Variants in PIGW observed in about 807,000 individuals in gnomAD.
The protein encoded by PIGW is glucosaminyl-phosphatidylinositol-acyltransferase PIGW.
Under a neutral mutation model 34.0 loss-of-function variants are expected in PIGW, and 23 were observed. That is an observed-to-expected ratio of 0.68 (90% CI 0.49 to 0.96). The LOEUF is 0.96. Ranked by LOEUF, PIGW falls within the 40% of genes least tolerant of loss-of-function variation. The pLI is 0.00. For synonymous variants in PIGW, 225 were observed against 225.2 expected (o/e 1.00, Z 0.01); for missense variants, 574 against 586.3 (o/e 0.98, Z 0.22).
rs2142617904 is a variant in PIGW at position 36,537,840 on chromosome 17, T to C, written c.739T>C (p.Leu247=). Reference sequence around the variant, plus strand: ...TTTCTTTACCATAATAGTTGTGAAATTGATAACACCACTGCTGTTGATTAT... The same window carrying C: ...TTTCTTTACCATAATAGTTGTGAAACTGATAACACCACTGCTGTTGATTAT... ...NFFFTIIVVK[L]ITPLLLIIFP... Residue 247 remains leucine, a synonymous_variant, in exon 2 of 2, where the codon TTG becomes CTG. Transcript: ENST00000614443. 1.9e-6 allele frequency: 3 copies of C among 1,614,164 alleles called. No homozygotes were observed. The highest frequency in any genetic ancestry group is 2.2e-5 in the East Asian group (1 of 44,888).
rs1167708049 is a variant in PIGW at position 36,535,072 on chromosome 17, C to T, written c.-529C>T. The T allele has an allele frequency of 1.3e-5, 2 of 152,288 alleles. No individual in the cohort carries two copies. The highest frequency in any genetic ancestry group is 1.9e-4 in the East Asian group (1 of 5,190). The allele number at this position is 152,288 out of a possible 1,614,324, so 9.4% of individuals were successfully genotyped here. A position where few individuals can be genotyped will look rare whatever the true frequency, so the allele number is the denominator to read the frequency against. On this transcript the variant is annotated 5_prime_UTR_variant, in exon 1 of 2. Transcript: ENST00000614443. ...CAACTACGGTGAGATGTTTTGCGAC[C>T]CTGGGGTAAAATGAGGGTAAAGCGG...
At chr17:36,536,524 C>CTTTTTTTT (rs10715370) in intron 1 of PIGW, among the ~76,000 whole-genome samples, 4 of 125,540 alleles carry the variant, frequency 3.2e-5, no homozygotes, top group African/African-American at 5.8e-5. Context: ...TTTTCTTTTC[C>CTTTTTTTT]TTTTTTTTTT....
intron 1 of PIGW, among the ~76,000 whole-genome samples, chr17:36,536,470 A>G (rs1189878936): frequency 1.3e-5 from 2 of 151,450 alleles, no homozygotes; most frequent in Non-Finnish European, 1.5e-5. Context: ...CTATGATGCC[A>G]TTCTCAGAGT....
chr17:36,536,832 G>T (rs1277357356), intron 1 of PIGW, among the ~76,000 whole-genome samples: 1 of 152,118 alleles, frequency 6.6e-6, no homozygotes, highest in African/African-American at 2.4e-5. Flanking sequence ...CACTTTCTTT[G>T]TGAGTCTGTC....
At position 36,537,282 on chromosome 17, in the gene PIGW, T is replaced by G; in HGVS notation, c.181T>G (p.Phe61Val). ...PTWKTRFLTD[F>V]VVLIVPMVAT... is the part of the protein sequence containing the mutation. ...CTGGAAAACTAGATTCCTCACTGAC[T>G]TTGTTGTCCTAATAGTTCCCATGGT... The change falls in exon 2 of 2, where the codon TTT (phenylalanine) becomes GTT (valine). Residue 61 changes from phenylalanine (F) to valine (V), a missense_variant. Transcript: ENST00000614443. 7 of 1,614,108 alleles carry G rather than the reference T, an allele frequency of 4.3e-6. No individual in the cohort carries two copies. The highest frequency in any genetic ancestry group is 5.1e-6 in the Non-Finnish European group (6 of 1,180,020).
chr17:36,538,167 G>A lies in PIGW; in HGVS notation c.1066G>A (p.Val356Ile), dbSNP rs757289253. The A allele has an allele frequency of 1.3e-5, 21 of 1,613,696 alleles. No individual in the cohort carries two copies. The highest frequency in any genetic ancestry group is 1.7e-5 in the Admixed American group (1 of 59,994). Reference protein sequence around the residue: ...AAISLFISLYVVQVNVEAVSR... With the variant: ...AAISLFISLYIVQVNVEAVSR... Reference sequence around the variant, plus strand: ...TATTAGCCTCTTCATATCTCTTTACGTAGTTCAAGTAAATGTAGAAGCAGT... The same window carrying A: ...TATTAGCCTCTTCATATCTCTTTACATAGTTCAAGTAAATGTAGAAGCAGT... The change falls in exon 2 of 2, where the codon GTA (valine) becomes ATA (isoleucine). Residue 356 changes from valine to isoleucine, a missense_variant. Val to Ile is a conservative substitution (Grantham distance 29, BLOSUM62 3). Transcript: ENST00000614443.
rs2074171167 is a variant in PIGW, at chr17:36,538,284, T to C, written c.1183T>C (p.Leu395=). The C allele has an allele frequency of 7.4e-6, 12 of 1,613,424 alleles. No individual in the cohort carries two copies. The highest frequency in any genetic ancestry group is 1.0e-5 in the Non-Finnish European group (12 of 1,179,862). The change falls in exon 2 of 2, where the codon TTG becomes CTG. Residue 395 remains leucine, a synonymous_variant. Coordinates refer to ENST00000614443, the MANE Select transcript of PIGW (RefSeq NM_001346754.2). ...TAGTTTATTACTGGGTGATATAATT[T>C]TGAGTTTTGCCAAATTTCTAATTAA... The part of the protein sequence containing the change: ...LSSLLLGDII[L]SFAKFLIKGA...
In PIGW at chr17:36,535,458, C is replaced by T. The variant is rs572313469; in HGVS notation, c.-143C>T. ...GCGGAATCGGCCGGCCCGGAAGTGC[C>T]AGCTGCCTGCGTCGGCCGGAAGTGC... On this transcript the variant is annotated 5_prime_UTR_variant, in exon 1 of 2. An upstream open reading frame in the 5' UTR gains an earlier in-frame stop. Coordinates refer to ENST00000614443, the MANE Select transcript of PIGW (RefSeq NM_001346754.2). The T allele has an allele frequency of 3.9e-5, 6 of 152,366 alleles. No homozygotes were observed. In the East Asian group the frequency reaches 1.2e-3, roughly 29 times the overall value. The allele number at this position is 152,366 out of a possible 1,614,324, so 9.4% of individuals were successfully genotyped here. A position where few individuals can be genotyped will look rare whatever the true frequency, so the allele number is the denominator to read the frequency against.
intron 1 of PIGW, among the ~76,000 whole-genome samples, chr17:36,536,322 ACCAAGGCC>A (rs1436806732): frequency 6.6e-6 from 1 of 152,116 alleles, no homozygotes; most frequent in Non-Finnish European, 1.5e-5. Context: ...CTGAACTGGA[ACCAAGGCC>A]CCCAACTTCA....
chr17:36,538,181 T>C lies in PIGW; in HGVS notation c.1080T>C (p.Asn360=), dbSNP rs138980777. 39 of 1,613,836 alleles carry C rather than the reference T, an allele frequency of 2.4e-5. No individual in the cohort carries two copies. The African/African-American group carries it at 4.1e-4, about 17-fold the overall frequency. The part of the protein sequence containing the change: ...LFISLYVVQV[N]VEAVSRRMAN... ...TATCTCTTTACGTAGTTCAAGTAAA[T>C]GTAGAAGCAGTATCTCGAAGAATGG... Residue 360 remains asparagine, a synonymous_variant, in exon 2 of 2, where the codon AAT becomes AAC. Coordinates refer to ENST00000614443, the MANE Select transcript of PIGW (RefSeq NM_001346754.2).
In PIGW at chr17:36,535,405, G is replaced by C. The variant is rs1202648526; in HGVS notation, c.-196G>C. The stretch of plus-strand genomic sequence containing the variant: ...GGAGTGGGTAGCCCACGGGACACTG[G>C]CACGAGCGCCATGATGGGCGGAGAC... On this transcript the variant is annotated 5_prime_UTR_variant, in exon 1 of 2. Coordinates refer to ENST00000614443, the MANE Select transcript of PIGW (RefSeq NM_001346754.2). 6.6e-5 allele frequency: 10 copies of C among 152,288 alleles called. No individual in the cohort carries two copies. Among genetic ancestry groups the C allele is most frequent in the Non-Finnish European group, 2.9e-5 (2 of 68,072 alleles). 9.4% of individuals were successfully genotyped at this position (152,288 alleles called of 1,614,324 possible). A position where few individuals can be genotyped will look rare whatever the true frequency, so the allele number is the denominator to read the frequency against.
chr17:36,538,652 A>G lies in PIGW; in HGVS notation c.*36A>G, dbSNP rs2074177306. 11 of 1,444,298 alleles carry G rather than the reference A, an allele frequency of 7.6e-6. No homozygotes were observed. Among genetic ancestry groups the G allele is most frequent in the Non-Finnish European group, 1.0e-5 (11 of 1,059,212 alleles). The allele number at this position is 1,444,298 out of a possible 1,614,324, so 89.5% of individuals were successfully genotyped here. On this transcript the variant is annotated 3_prime_UTR_variant, in exon 2 of 2. Coordinates refer to ENST00000614443, the MANE Select transcript of PIGW (RefSeq NM_001346754.2). ...TAGGATATATAAGTATTTGGGCAAT[A>G]TTTAATGAGGAATATTAATTGTAAA...
chr17:36,537,064 A>C, intron 1 of PIGW, 30 bp from the exon 2 acceptor site: 1 of 1,524,032 alleles, frequency 6.6e-7, no homozygotes, highest in Non-Finnish European at 8.8e-7. Context: ...TGCTTTTCAC[A>C]AATCCATTCC....
In PIGW at chr17:36,538,157, ATC is replaced by A. The variant is rs749338692; in HGVS notation, c.1060_1061del (p.Tyr355ArgfsTer26). ...TACTGGCAGCTATTAGCCTCTTCAT[ATC>A]TCTTTACGTAGTTCAAGTAAATGTA... Reference protein sequence around the residue: ...LLLAAISLFISLYVVQVNVEA... With the variant: ...LLLAAISLFIXLYVVQVNVEA... On this transcript the variant is annotated frameshift_variant, in exon 2 of 2. Coordinates refer to ENST00000614443, the MANE Select transcript of PIGW (RefSeq NM_001346754.2). LOFTEE classifies it high-confidence loss of function. The A allele has an allele frequency of 5.0e-6, 8 of 1,614,086 alleles. No individual in the cohort carries two copies. In the Admixed American group the frequency reaches 1.3e-4, roughly 27 times the overall value.
rs773404673 is a variant in PIGW at position 36,537,509 on chromosome 17, C to T, written c.408C>T (p.Thr136=). 5.3e-5 allele frequency: 85 copies of T among 1,613,980 alleles called. No homozygotes were observed. In the East Asian group the frequency reaches 1.8e-3, roughly 33 times the overall value. ...NPAISCFRVI[T]SAFTAIAILA... ...CCATCTCCTGTTTCCGTGTAATTAC[C>T]AGTGCGTTTACTGCTATTGCTATTT... Residue 136 remains threonine, a synonymous_variant, in exon 2 of 2, where the codon ACC becomes ACT. Transcript: ENST00000614443.
Position 36,538,171 on chromosome 17 carries a change from T to C in PIGW, c.1070T>C (p.Val357Ala). The stretch of plus-strand genomic sequence containing the variant: ...AGCCTCTTCATATCTCTTTACGTAG[T>C]TCAAGTAAATGTAGAAGCAGTATCT... ...AISLFISLYV[V>A]QVNVEAVSRR... is the part of the protein sequence containing the mutation. The change falls in exon 2 of 2, where the codon GTT becomes GCT. Residue 357 changes from valine (V) to alanine (A), a missense_variant. Val to Ala is a moderately conservative substitution (Grantham distance 64, BLOSUM62 0). Transcript: ENST00000614443. 1.2e-6 allele frequency: 2 copies of C among 1,613,948 alleles called. No homozygotes were observed. The highest frequency in any genetic ancestry group is 1.7e-4 in the Middle Eastern group (1 of 6,060).
Position 36,538,384 on chromosome 17 carries a change from TC to T in PIGW, c.1286del (p.Pro429LeufsTer12). 6.2e-7 allele frequency: 1 copy of T among 1,614,120 alleles called. No individual in the cohort carries two copies. Among genetic ancestry groups the T allele is most frequent in the Non-Finnish European group, 8.5e-7 (1 of 1,179,976 alleles). On this transcript the variant is annotated frameshift_variant, in exon 2 of 2. Transcript: ENST00000614443. LOFTEE classifies it high-confidence loss of function. Reference sequence around the variant, plus strand: ...AATAAAAAGCATTCAGAATCTCTAGTCCCTGAAGCCGAAAGAATGGAACCCA... The same window carrying T: ...AATAAAAAGCATTCAGAATCTCTAGTCCTGAAGCCGAAAGAATGGAACCCA... The part of the protein sequence containing the change: ...VTNKKHSESL[V>X]PEAERMEPSL...
At chr17:36,536,149 C>T (rs1253686320) in intron 1 of PIGW, among the ~76,000 whole-genome samples, 2 of 152,190 alleles carry the variant, frequency 1.3e-5, no homozygotes, top group Non-Finnish European at 2.9e-5. Flanking sequence ...GAGCAACTAA[C>T]ACTAGTATGT....
Position 36,537,387 on chromosome 17 carries a change from C to G in PIGW, c.286C>G (p.Gln96Glu). The G allele has an allele frequency of 6.2e-7, 1 of 1,613,986 alleles. No homozygotes were observed. The highest frequency in any genetic ancestry group is 8.5e-7 in the Non-Finnish European group (1 of 1,180,020). ...TATCTTTGGGGCAGGGCTGTTGTATCAAATATACCGAAGGAGGACCTGCTA... is the reference window on the plus strand; with the variant it reads ...TATCTTTGGGGCAGGGCTGTTGTATGAAATATACCGAAGGAGGACCTGCTA... The part of the protein sequence containing the change: ...VIIFGAGLLY[Q>E]IYRRRTCYAR... Residue 96 changes from glutamine (Q) to glutamate (E), a missense_variant, in exon 2 of 2, where the codon CAA becomes GAA. Coordinates refer to ENST00000614443, the MANE Select transcript of PIGW (RefSeq NM_001346754.2).
Sources: allele counts gnomAD v4.1 joint callset (sites outside exome capture counted in the v4.1 genomes callset), GRCh38; gene constraint gnomAD v4.1.1; transcripts MANE v1.5; gene names NCBI Gene and HGNC (gene_info 2026-07-23, HGNC 2026-07-21).